Variants in ZNF181 observed in about 807,000 individuals in gnomAD.
ZNF181 encodes zinc finger protein 181 (HHZ181).
In ZNF181, 8 loss-of-function variants were observed where a neutral mutation model predicts 11.9. That is an observed-to-expected ratio of 0.67 (90% CI 0.39 to 1.21). The LOEUF is 1.21. Among genes scored for constraint, ZNF181 ranks in the 50% most tolerant of loss-of-function variants. ZNF181 has a pLI of 0.01. For missense variants in ZNF181, 542 were observed against 670.9 expected (o/e 0.81, Z 2.12); for synonymous variants, 202 against 221.1 (o/e 0.91, Z 0.77).
At position 34,743,405 on chromosome 19, in the gene ZNF181, T is replaced by C. The variant is rs1313204522; in HGVS notation, c.*1308T>C. 1 of 152,202 alleles carries C rather than the reference T, an allele frequency of 6.6e-6. No homozygotes were observed. The highest frequency in any genetic ancestry group is 2.4e-5 in the African/African-American group (1 of 41,452). 9.4% of individuals were successfully genotyped at this position (152,202 alleles called of 1,614,324 possible). ...AGGACATAACCAAGAAACAACATAC[T>C]ACAAGAGATCAGAGCAGGCTTAGCG... On this transcript the variant is annotated 3_prime_UTR_variant, in exon 4 of 4. Transcript: ENST00000492450.
chr19:34,735,021 T>C lies in ZNF181; in HGVS notation c.-17T>C. 6.3e-7 allele frequency: 1 copy of C among 1,577,774 alleles called. No individual in the cohort carries two copies. Among genetic ancestry groups the C allele is most frequent in the Non-Finnish European group, 8.6e-7 (1 of 1,161,128 alleles). On this transcript the variant is annotated 5_prime_UTR_variant, in exon 1 of 4. Coordinates refer to ENST00000492450, the MANE Select transcript of ZNF181 (RefSeq NM_001029997.4). ...CCTGGAAAGAGGACTCTGTTGGCTGTTGGAAATTGCAGAGTAATGCCTCAG... is the reference window on the plus strand; with the variant it reads ...CCTGGAAAGAGGACTCTGTTGGCTGCTGGAAATTGCAGAGTAATGCCTCAG...
chr19:34,734,877 A>T lies in ZNF181; in HGVS notation c.-161A>T. On this transcript the variant is annotated 5_prime_UTR_variant, in exon 1 of 4. Transcript: ENST00000492450. ...GAGATTGGCGCCCTGGAGAGTGATTACCAGTGTGCCTTTCCATTATGGTGT... is the reference window on the plus strand; with the variant it reads ...GAGATTGGCGCCCTGGAGAGTGATTTCCAGTGTGCCTTTCCATTATGGTGT... The T allele has an allele frequency of 1.5e-6, 1 of 655,364 alleles. No individual in the cohort carries two copies. The highest frequency in any genetic ancestry group is 2.6e-6 in the Non-Finnish European group (1 of 381,826). The allele number at this position is 655,364 out of a possible 1,614,324, so 40.6% of individuals were successfully genotyped here.
chr19:34,737,914 T>A (rs1016807939), intron 1 of ZNF181, among the ~76,000 whole-genome samples: 3 of 152,124 alleles, frequency 2.0e-5, no homozygotes, highest in Non-Finnish European at 4.4e-5. Context: ...ATAAAAGTCA[T>A]TTGCCTGCCA....
intron 3 of ZNF181, 99 bp from the exon 4 acceptor site, chr19:34,740,512 T>G: frequency 8.1e-7 from 1 of 1,230,108 alleles, no homozygotes; most frequent in South Asian, 1.5e-5. Context: ...TTCTGGGGGC[T>G]TCATTTCTAA....
At position 34,741,718 on chromosome 19, in the gene ZNF181, A is replaced by C. The variant is rs530184785; in HGVS notation, c.1337A>C (p.Glu446Ala). The change falls in exon 4 of 4, where the codon GAA becomes GCA. Residue 446 changes from glutamate (E) to alanine (A), a missense_variant. Coordinates refer to ENST00000492450, the MANE Select transcript of ZNF181 (RefSeq NM_001029997.4). ...TGCAGGAAATCCTTCAACCAGCTTG[A>C]ATCACTGAATATGCATTTGAGAAAT... ...QKCRKSFNQL[E>A]SLNMHLRNHI... The C allele has an allele frequency of 6.2e-7, 1 of 1,613,984 alleles. No homozygotes were observed. Among genetic ancestry groups the C allele is most frequent in the East Asian group, 2.2e-5 (1 of 44,868 alleles).
chr19:34,735,501 C>T (rs1208427341), intron 1 of ZNF181, among the ~76,000 whole-genome samples: 2 of 152,152 alleles, frequency 1.3e-5, no homozygotes, highest in Non-Finnish European at 2.9e-5. Context: ...ACCACTACCA[C>T]CCCGGTAGTG....
At position 34,745,043 on chromosome 19, in the gene ZNF181, GA is replaced by G. The variant is rs1324113754; in HGVS notation, c.*2947del. ...TCTTTTTAAATGAAGATAGTTTTAA[GA>G]GAGCAATAAGAGACTATTACTTTGT... On this transcript the variant is annotated 3_prime_UTR_variant, in exon 4 of 4. Transcript: ENST00000492450. 3.3e-5 allele frequency: 5 copies of G among 152,208 alleles called. No homozygotes were observed. The highest frequency in any genetic ancestry group is 7.3e-5 in the Non-Finnish European group (5 of 68,034). 9.4% of individuals were successfully genotyped at this position (152,208 alleles called of 1,614,324 possible). A position where few individuals can be genotyped will look rare whatever the true frequency, so the allele number is the denominator to read the frequency against.
chr19:34,736,199 G>A (rs1246201039), intron 1 of ZNF181: 7 of 702,720 alleles, frequency 1.0e-5, no homozygotes, highest in Non-Finnish European at 1.8e-5. Flanking sequence ...GCTTGCATAG[G>A]AGGGGATGTG....
rs1323537780 is a variant in ZNF181 at position 34,735,065 on chromosome 19, A to C, written c.9+19A>C. The C allele has an allele frequency of 6.4e-7, 1 of 1,568,456 alleles. No homozygotes were observed. The highest frequency in any genetic ancestry group is 8.6e-7 in the Non-Finnish European group (1 of 1,156,272). ...GCCTCAGGTAGGTCGGTGTGTCCGCAAATCTTCCTGAAACACTTTATCAGG... is the reference window on the plus strand; with the variant it reads ...GCCTCAGGTAGGTCGGTGTGTCCGCCAATCTTCCTGAAACACTTTATCAGG... On this transcript the variant is annotated intron_variant, in intron 1 of 3. Coordinates refer to ENST00000492450, the MANE Select transcript of ZNF181 (RefSeq NM_001029997.4).
At chr19:34,736,074 G>C in intron 1 of ZNF181, 1 of 700,978 alleles carries the variant, frequency 1.4e-6, no homozygotes, top group Non-Finnish European at 2.6e-6. Context: ...GTCTGTTATA[G>C]CTTCAGTACC....
chr19:34,736,913 C>T (rs2068897828), intron 1 of ZNF181, among the ~76,000 whole-genome samples: 1 of 152,176 alleles, frequency 6.6e-6, no homozygotes, highest in Non-Finnish European at 1.5e-5. Context: ...CTGGCTCTAA[C>T]TTGTAATAAC....
chr19:34,736,007 T>C, intron 1 of ZNF181: 1 of 658,104 alleles, frequency 1.5e-6, no homozygotes, highest in Non-Finnish European at 2.7e-6. Flanking sequence ...GTATGTTCAG[T>C]ATATGCACAT....
chr19:34,737,736 G>T (rs1230966661), intron 1 of ZNF181, among the ~76,000 whole-genome samples: 1 of 152,224 alleles, frequency 6.6e-6, no homozygotes, highest in Non-Finnish European at 1.5e-5. Flanking sequence ...GAAGCAGGAG[G>T]TGGTGGTTTG....
At position 34,740,948 on chromosome 19, in the gene ZNF181, G is replaced by C. The variant is rs1435676155; in HGVS notation, c.567G>C (p.Lys189Asn). 5 of 1,613,704 alleles carry C rather than the reference G, an allele frequency of 3.1e-6. No individual in the cohort carries two copies. The African/African-American group carries it at 6.7e-5, about 22-fold the overall frequency. The change falls in exon 4 of 4, where the codon AAG (lysine) becomes AAC (asparagine). Residue 189 changes from lysine to asparagine, a missense_variant. By Grantham distance (94) the Lys-to-Asn change is moderately conservative (BLOSUM62 0). Coordinates refer to ENST00000492450, the MANE Select transcript of ZNF181 (RefSeq NM_001029997.4). The stretch of plus-strand genomic sequence containing the variant: ...ATTCACACAAATATGATATATTAAA[G>C]AAGAACTTACCAAAAAAGTCAGTTA... ...EGNSHKYDIL[K>N]KNLPKKSVIK...
rs1425921969 is a variant in ZNF181 at position 34,743,848 on chromosome 19, CA to C, written c.*1752del. On this transcript the variant is annotated 3_prime_UTR_variant, in exon 4 of 4. Coordinates refer to ENST00000492450, the MANE Select transcript of ZNF181 (RefSeq NM_001029997.4). ...TTTTGTTCTCTGCACTGAACCTTGA[CA>C]GATAATTATGTTTTGTAAGGAGGCA... The C allele has an allele frequency of 1.3e-5, 2 of 152,180 alleles. No individual in the cohort carries two copies. Among genetic ancestry groups the C allele is most frequent in the African/African-American group, 4.8e-5 (2 of 41,438 alleles). The allele number at this position is 152,180 out of a possible 1,614,324, so 9.4% of individuals were successfully genotyped here. A position where few individuals can be genotyped will look rare whatever the true frequency, so the allele number is the denominator to read the frequency against.
chr19:34,742,171 C>G lies in ZNF181; in HGVS notation c.*74C>G. The stretch of plus-strand genomic sequence containing the variant: ...TAGAAAAATTTATACTGGGGAAAGT[C>G]TTATGAATGTGGTGAATATAGGAAG... On this transcript the variant is annotated 3_prime_UTR_variant, in exon 4 of 4. Transcript: ENST00000492450. 1 of 1,436,134 alleles carries G rather than the reference C, an allele frequency of 7.0e-7. No homozygotes were observed. Among genetic ancestry groups the G allele is most frequent in the Non-Finnish European group, 9.3e-7 (1 of 1,070,446 alleles). 89.0% of individuals were successfully genotyped at this position (1,436,134 alleles called of 1,614,324 possible).
chr19:34,743,430 G>A lies in ZNF181; in HGVS notation c.*1333G>A, dbSNP rs4806050. 51,437 of 152,086 alleles carry A rather than the reference G, an allele frequency of 0.34. 8,948 individuals carry two copies. The highest frequency in any genetic ancestry group is 0.4 in the African/African-American group (16,774 of 41,448). The allele number at this position is 152,086 out of a possible 1,614,324, so 9.4% of individuals were successfully genotyped here. A position where few individuals can be genotyped will look rare whatever the true frequency, so the allele number is the denominator to read the frequency against. On this transcript the variant is annotated 3_prime_UTR_variant, in exon 4 of 4. Coordinates refer to ENST00000492450, the MANE Select transcript of ZNF181 (RefSeq NM_001029997.4). ...TACAAGAGATCAGAGCAGGCTTAGC[G>A]AGATGTGATTTTTGAAATGAATCCT...
rs1411171631 is a variant in ZNF181, at chr19:34,744,518, G to A, written c.*2421G>A. The A allele has an allele frequency of 6.6e-6, 1 of 151,900 alleles. No homozygotes were observed. The highest frequency in any genetic ancestry group is 2.4e-5 in the African/African-American group (1 of 41,330). The allele number at this position is 151,900 out of a possible 1,614,324, so 9.4% of individuals were successfully genotyped here. On this transcript the variant is annotated 3_prime_UTR_variant, in exon 4 of 4. Transcript: ENST00000492450. The stretch of plus-strand genomic sequence containing the variant: ...GTCTGTTAAAAAAAAAAATTACCCA[G>A]GTGTAGGCACACATCTGCAGTCCTA...
At chr19:34,739,793 T>A (rs977894523) in intron 3 of ZNF181, among the ~76,000 whole-genome samples, 172 bp downstream of exon 3, 14 of 152,234 alleles carry the variant, frequency 9.2e-5, no homozygotes, top group African/African-American at 3.4e-4. Context: ...CAATTGTTCC[T>A]CTATCCCAAA....
Sources: gnomAD v4.1 joint callset for allele counts (sites outside exome capture counted in the v4.1 genomes callset) on GRCh38, gnomAD v4.1.1 for gene constraint, MANE v1.5 for transcripts, NCBI Gene and HGNC (gene_info 2026-07-23, HGNC 2026-07-21) for gene names.